Variants in NCR1 observed in about 807,000 individuals in gnomAD.
NCR1 encodes NK cell-activating receptor.
NCR1 carries 30 observed loss-of-function variants against 32.5 expected under a neutral mutation model. The ratio of observed to expected loss-of-function variants is 0.92; its 90% confidence interval spans 0.69 to 1.25. The LOEUF (loss-of-function observed/expected upper bound fraction) is 1.25, where lower values mean the gene tolerates loss of function less well. Among genes scored for constraint, NCR1 ranks in the 50% most tolerant of loss-of-function variants. The probability of loss-of-function intolerance (pLI) is 0.00; values close to 1 mark genes in which losing one functional copy is unlikely to be tolerated. For missense variants in NCR1, 369 were observed against 380.7 expected, an observed-to-expected ratio of 0.97 and a Z score of 0.26; for synonymous variants, 169 against 143.4, an observed-to-expected ratio of 1.18 and a Z score of -1.28.
At chr19:54,911,246 G>A (rs890289205) in intron 5 of NCR1, among the ~76,000 whole-genome samples, 2 of 151,860 alleles carry the variant, frequency 1.3e-5, no homozygotes, top group African/African-American at 4.8e-5. Context: ...CTACGCAAGA[G>A]GCTGAGGCAG....
the NCR1 span, among the ~76,000 whole-genome samples, chr19:54,925,960 G>A: frequency 2.4e-4 from 37 of 151,110 alleles, no homozygotes; most frequent in Admixed American, 5.3e-4. Context: ...AGATCGCACC[G>A]CTTCACTCCA....
upstream of NCR1, among the ~76,000 whole-genome samples, chr19:54,902,174 G>C (rs587740530): frequency 1.3e-5 from 2 of 152,292 alleles, no homozygotes; most frequent in South Asian, 4.1e-4. Context: ...AGTGATTAGA[G>C]GTTTAGGGCA....
At chr19:54,903,386 A>G (rs2067349679), upstream of NCR1, among the ~76,000 whole-genome samples, 1 of 132,690 alleles carries the variant, frequency 7.5e-6, no homozygotes, top group South Asian at 2.3e-4. Context: ...ATGTATGTAT[A>G]TACATATATG....
chr19:54,931,089 T>C, the NCR1 span, among the ~76,000 whole-genome samples: 4 of 152,238 alleles, frequency 2.6e-5, no homozygotes, highest in Non-Finnish European at 4.4e-5. Flanking sequence ...AATTGACCCA[T>C]GAACTGGAGC....
downstream of NCR1, among the ~76,000 whole-genome samples, chr19:54,913,767 A>G (rs2068074816): frequency 6.6e-6 from 1 of 150,696 alleles, no homozygotes; most frequent in South Asian, 2.1e-4. Flanking sequence ...CCCCATCTCT[A>G]CTAAAAATAC....
At chr19:54,898,773 T>C in the NCR1 span, among the ~76,000 whole-genome samples, 2 of 152,094 alleles carry the variant, frequency 1.3e-5, no homozygotes, top group African/African-American at 2.4e-5. Context: ...AGAGGTCAGA[T>C]AAAGAAAAAG....
In NCR1 at chr19:54,910,036, G is replaced by A. The variant is rs1327096323; in HGVS notation, c.653G>A (p.Ser218Asn). ...LLVTGDIENT[S>N]LAPEDPTFPA... ...TTTCCAGGCGACATTGAGAACACCA[G>A]CCTTGCACCTGAAGACCCCACCTTT... Residue 218 changes from serine (S) to asparagine (N), a missense_variant, in exon 5 of 7, where the codon AGC (serine) becomes AAC (asparagine). Coordinates refer to ENST00000291890, the MANE Select transcript of NCR1 (RefSeq NM_004829.7). 6.2e-7 allele frequency: 1 copy of A among 1,612,496 alleles called. No individual in the cohort carries two copies. The highest frequency in any genetic ancestry group is 1.7e-5 in the Admixed American group (1 of 59,804).
chr19:54,933,730 G>A, the NCR1 span: 2 of 1,614,066 alleles, frequency 1.2e-6, no homozygotes, highest in South Asian at 1.1e-5. Flanking sequence ...TAAGACGACA[G>A]TTTTCCAACC....
the NCR1 span, among the ~76,000 whole-genome samples, chr19:54,900,592 C>T: frequency 6.6e-6 from 1 of 152,102 alleles, no homozygotes; most frequent in Non-Finnish European, 1.5e-5. Flanking sequence ...GCTCAGAGGC[C>T]TGACAGTCTG....
downstream of NCR1, among the ~76,000 whole-genome samples, chr19:54,916,769 A>G (rs1437004624): frequency 2.3e-5 from 3 of 130,978 alleles, no homozygotes; most frequent in East Asian, 5.1e-4. Context: ...CAGTGCTGCA[A>G]TCTCGGATCA....
upstream of NCR1, among the ~76,000 whole-genome samples, chr19:54,903,778 C>T (rs1028463469): frequency 6.6e-6 from 1 of 151,494 alleles, no homozygotes; most frequent in Non-Finnish European, 1.5e-5. Flanking sequence ...ATCTTAACAA[C>T]TTCTGCATAG....
At chr19:54,903,495 T>G (rs759878306), upstream of NCR1, among the ~76,000 whole-genome samples, 3 of 145,874 alleles carry the variant, frequency 2.1e-5, 1 homozygote, top group Non-Finnish European at 4.6e-5. Flanking sequence ...TATATACATA[T>G]ATGTATGTAT....
At chr19:54,934,749 G>A in the NCR1 span, 9 of 1,101,322 alleles carry the variant, frequency 8.2e-6, no homozygotes, top group South Asian at 1.1e-4. The surrounding 1 kb of genome is among the most constrained non-coding windows in gnomAD (Gnocchi z 6.7). Flanking sequence ...TCACTCTGTT[G>A]CCCAGTCTGG....
At chr19:54,910,202 C>T (rs923805930) in intron 5 of NCR1, 137 bp downstream of exon 5, 6 of 783,034 alleles carry the variant, frequency 7.7e-6, no homozygotes, top group South Asian at 4.7e-5. Flanking sequence ...TTTGGGAGGC[C>T]GAGATGGTGC....
At chr19:54,918,980 CT>C (rs1421627685), downstream of NCR1, among the ~76,000 whole-genome samples, 2 of 125,300 alleles carry the variant, frequency 1.6e-5, no homozygotes, top group African/African-American at 7.2e-5. Context: ...GCAAAACTGT[CT>C]TAAAAAAAAA....
At chr19:54,904,531 C>CTTTTCTTTTTTTTTTTTTT (rs1221694096), upstream of NCR1, among the ~76,000 whole-genome samples, 2 of 118,990 alleles carry the variant, frequency 1.7e-5, no homozygotes, top group Admixed American at 9.2e-5. Flanking sequence ...GTTTTCTTTT[C>CTTTTCTTTTTTTTTTTTTT]TTTTTTTTTT....
At chr19:54,906,933 G>A in intron 3 of NCR1, 126 bp downstream of exon 3, 1 of 1,138,616 alleles carries the variant, frequency 8.8e-7, no homozygotes, top group South Asian at 1.5e-5. Context: ...AAGGAGGGGT[G>A]ATCCCCATCA....
the NCR1 span, among the ~76,000 whole-genome samples, chr19:54,929,561 CTT>C: frequency 6.6e-6 from 1 of 152,036 alleles, no homozygotes; most frequent in East Asian, 1.9e-4. Context: ...TTTGTGGAGA[CTT>C]TGCATTTTCT....
At chr19:54,901,846 T>C (rs1360849471), upstream of NCR1, among the ~76,000 whole-genome samples, 1 of 152,142 alleles carries the variant, frequency 6.6e-6, no homozygotes, top group African/African-American at 2.4e-5. Context: ...TGGGTGCCTC[T>C]AATCCCAGCT....
Sources: gnomAD v4.1 joint callset for allele counts (sites outside exome capture counted in the v4.1 genomes callset) on GRCh38, gnomAD v4.1.1 for gene constraint, Gnocchi (gnomAD v3.1) non-coding constraint, MANE v1.5 for transcripts, NCBI Gene and HGNC (gene_info 2026-07-23, HGNC 2026-07-21) for gene names.